FAM13B: variants seen among roughly 807,000 people sequenced by gnomAD.
The protein encoded by FAM13B is protein FAM13B.
A neutral mutation model predicts 117.3 loss-of-function variants in FAM13B; 60 were observed. That is an observed-to-expected ratio of 0.51 (90% CI 0.42 to 0.63). The LOEUF is 0.63. Among genes scored for constraint, FAM13B ranks in the 30% least tolerant of loss-of-function variants. The pLI, the probability that FAM13B is intolerant of heterozygous loss-of-function variation, is 0.00. For missense variants in FAM13B, 972 were observed against 1,091.9 expected (o/e 0.89, Z 1.55); for synonymous variants, 332 against 356.1 (o/e 0.93, Z 0.76).
At chr5:137,952,741 T>G in intron 16 of FAM13B, 32 bp from the exon 17 acceptor site, 1 of 1,302,340 alleles carries the variant, frequency 7.7e-7, no homozygotes, top group South Asian at 1.3e-5. Flanking sequence ...TCACTGACAC[T>G]TGTGATAAGC....
At chr5:138,008,654 A>G (rs1479899425) in intron 6 of FAM13B, among the ~76,000 whole-genome samples, 1 of 152,232 alleles carries the variant, frequency 6.6e-6, no homozygotes, top group Non-Finnish European at 1.5e-5. Context: ...GTCTATACAT[A>G]ATAAGCAATA....
At chr5:138,047,988 C>T (rs1490802665) in intron 1 of FAM13B, among the ~76,000 whole-genome samples, 1 of 152,046 alleles carries the variant, frequency 6.6e-6, no homozygotes, top group African/African-American at 2.4e-5. Flanking sequence ...TTTAGGTTTA[C>T]AGAAAAGTTG....
At chr5:138,005,394 C>G (rs1213737577) in intron 7 of FAM13B, among the ~76,000 whole-genome samples, 2 of 151,938 alleles carry the variant, frequency 1.3e-5, no homozygotes, top group Non-Finnish European at 2.9e-5. Context: ...GAGAAAGGTT[C>G]ACTCTTCAAT....
chr5:137,949,212 G>T, intron 17 of FAM13B, 28 bp from the exon 18 acceptor site: 1 of 1,572,432 alleles, frequency 6.4e-7, no homozygotes, highest in Non-Finnish European at 8.7e-7. Flanking sequence ...GGACAGATCA[G>T]TAATAATTGG....
chr5:138,021,028 T>C lies in FAM13B; in HGVS notation c.-36+3A>G. On this transcript the variant is annotated splice_donor_region_variant and intron_variant, in intron 2 of 23. Coordinates refer to ENST00000689681, the MANE Select transcript of FAM13B (RefSeq NM_001385994.1). Reference sequence around the variant, plus strand: ...CGAGATAGTTACCATTTTGAAAACTTACCTTTCAGTACTTAAATACCTAAG... The same window carrying C: ...CGAGATAGTTACCATTTTGAAAACTCACCTTTCAGTACTTAAATACCTAAG... 1 of 1,231,068 alleles carries C rather than the reference T, an allele frequency of 8.1e-7. No individual in the cohort carries two copies. The allele number at this position is 1,231,068 out of a possible 1,614,324, so 76.3% of individuals were successfully genotyped here. A position where few individuals can be genotyped will look rare whatever the true frequency, so the allele number is the denominator to read the frequency against.
At chr5:137,986,527 T>C (rs568691452) in intron 9 of FAM13B, among the ~76,000 whole-genome samples, 17 of 151,730 alleles carry the variant, frequency 1.1e-4, no homozygotes, top group African/African-American at 3.1e-4. Context: ...ACTGAAGTAA[T>C]AGAAAACAAA....
intron 10 of FAM13B, among the ~76,000 whole-genome samples, chr5:137,975,297 T>A (rs1773594062): frequency 6.6e-6 from 1 of 152,180 alleles, no homozygotes; most frequent in Admixed American, 6.5e-5. Flanking sequence ...AAATTTCTAA[T>A]CCACCCAACA....
At chr5:138,040,716 C>T (rs1321367370) in intron 1 of FAM13B, among the ~76,000 whole-genome samples, 1 of 151,988 alleles carries the variant, frequency 6.6e-6, no homozygotes, top group Non-Finnish European at 1.5e-5. Flanking sequence ...GTATAAAATG[C>T]ACACATAAAA....
chr5:138,016,285 C>A (rs958350010), intron 4 of FAM13B, among the ~76,000 whole-genome samples: 2 of 151,826 alleles, frequency 1.3e-5, no homozygotes. Flanking sequence ...TTAGTTGTCC[C>A]AACAGTACAT....
At chr5:138,040,424 T>G (rs1002506647) in intron 1 of FAM13B, among the ~76,000 whole-genome samples, 1 of 151,066 alleles carries the variant, frequency 6.6e-6, no homozygotes, top group Non-Finnish European at 1.5e-5. Context: ...TAAAAAAAAT[T>G]AGCTCGGCAT....
intron 20 of FAM13B, 75 bp from the exon 21 acceptor site, chr5:137,943,291 G>A: frequency 8.9e-7 from 1 of 1,127,770 alleles, no homozygotes; most frequent in Non-Finnish European, 1.3e-6. Context: ...CCTTCATTAT[G>A]TTACGAATCT....
chr5:137,987,980 T>A (rs1170960884), intron 8 of FAM13B, among the ~76,000 whole-genome samples: 1 of 152,188 alleles, frequency 6.6e-6, no homozygotes, highest in Non-Finnish European at 1.5e-5. Flanking sequence ...AAACCATGAG[T>A]ACTGCTCACA....
chr5:137,946,148 T>C, intron 19 of FAM13B, 80 bp downstream of exon 19: 2 of 1,362,274 alleles, frequency 1.5e-6, no homozygotes, highest in South Asian at 1.3e-5. Flanking sequence ...AAAACAGCCC[T>C]GAAGAATGTA....
chr5:137,940,467 GT>G (rs1761340661), intron 23 of FAM13B, 119 bp from the exon 24 acceptor site: 1 of 487,096 alleles, frequency 2.1e-6, no homozygotes, highest in Non-Finnish European at 3.4e-6. Flanking sequence ...AAGTTGTTCT[GT>G]TAAAAAAAAA....
At chr5:138,021,246 G>A (rs539476313) in intron 1 of FAM13B, 49 bp from the exon 2 acceptor site, 58 of 1,196,404 alleles carry the variant, frequency 4.8e-5, no homozygotes, top group Admixed American at 4.6e-4. Context: ...TTAACTGTCA[G>A]AAGAGACTAT....
intron 10 of FAM13B, among the ~76,000 whole-genome samples, chr5:137,972,408 CAA>C (rs1307594256): frequency 6.6e-6 from 1 of 152,068 alleles, no homozygotes; most frequent in Non-Finnish European, 1.5e-5. Context: ...CAAAATTCAA[CAA>C]CCTTCATGCT....
intron 23 of FAM13B, 98 bp downstream of exon 23, chr5:137,941,846 T>C: frequency 9.8e-7 from 1 of 1,017,036 alleles, no homozygotes; most frequent in Non-Finnish European, 1.5e-6. Flanking sequence ...GCATCCTATA[T>C]GCACAATTTC....
chr5:137,976,289 G>A (rs1405945222), intron 10 of FAM13B, among the ~76,000 whole-genome samples: 1 of 151,954 alleles, frequency 6.6e-6, no homozygotes, highest in Non-Finnish European at 1.5e-5. Flanking sequence ...CAAAACTTGT[G>A]CAAAAGGCAT....
Position 137,959,726 on chromosome 5 carries a change from G to A in FAM13B, c.1331C>T (p.Thr444Ile). ...CTGACCTCCTGGTACTTCTGATTCA[G>A]TGTTGGCATTCAAATCACATATCTT... The part of the protein sequence containing the change: ...SSKICDLNAN[T>I]ESEVPGGQSV... Residue 444 changes from threonine to isoleucine, a missense_variant, in exon 13 of 24, where the codon ACT (threonine) becomes ATT (isoleucine). Coordinates refer to ENST00000689681, the MANE Select transcript of FAM13B (RefSeq NM_001385994.1). The A allele has an allele frequency of 6.2e-7, 1 of 1,613,798 alleles. No individual in the cohort carries two copies. Among genetic ancestry groups the A allele is most frequent in the East Asian group, 2.2e-5 (1 of 44,870 alleles).
Sources: gnomAD v4.1 joint callset for allele counts (sites outside exome capture counted in the v4.1 genomes callset) on GRCh38, gnomAD v4.1.1 for gene constraint, MANE v1.5 for transcripts, NCBI Gene and HGNC (gene_info 2026-07-23, HGNC 2026-07-21) for gene names.